ATF6: variants seen among roughly 807,000 people sequenced by gnomAD.
The protein encoded by ATF6 is cyclic AMP-dependent transcription factor ATF-6 alpha.
A neutral mutation model predicts 83.6 loss-of-function variants in ATF6; 53 were observed. That is an observed-to-expected ratio of 0.63 (90% CI 0.51 to 0.80). ATF6 has a LOEUF of 0.80. ATF6 is among the 30% of genes least tolerant of loss of function. ATF6 has a pLI of 0.00. For missense variants in ATF6, 744 were observed against 797.9 expected (o/e 0.93, Z 0.81); for synonymous variants, 288 against 285.8 (o/e 1.01, Z -0.08).
chr1:161,821,653 A>G (rs1685765560), intron 9 of ATF6, among the ~76,000 whole-genome samples: 1 of 152,200 alleles, frequency 6.6e-6, no homozygotes, highest in African/African-American at 2.4e-5. Context: ...TGTATCTTGT[A>G]TATGTGGGGA....
chr1:161,792,950 G>C (rs1018992526), intron 6 of ATF6, among the ~76,000 whole-genome samples: 4 of 152,120 alleles, frequency 2.6e-5, no homozygotes, highest in Non-Finnish European at 4.4e-5. Context: ...AGTCATTTCC[G>C]TATGGAGATC....
At chr1:161,773,140 A>ATTTTTT (rs759769528) in intron 1 of ATF6, among the ~76,000 whole-genome samples, 1,631 of 130,036 alleles carry the variant, frequency 0.013, 45 homozygotes, top group African/African-American at 0.044. Flanking sequence ...TACTTTTTGT[A>ATTTTTT]TTTTTTTTTT....
At chr1:161,848,858 C>T (rs1686544666) in intron 10 of ATF6, among the ~76,000 whole-genome samples, 2 of 151,988 alleles carry the variant, frequency 1.3e-5, no homozygotes, top group Admixed American at 1.3e-4. Context: ...TAATTGTCTC[C>T]AGATTGTATG....
intron 13 of ATF6, among the ~76,000 whole-genome samples, chr1:161,860,919 A>G (rs549346535): frequency 6.6e-6 from 1 of 152,304 alleles, no homozygotes; most frequent in East Asian, 1.9e-4. Context: ...ATGGGAAGCA[A>G]TATGGTGTCA....
intron 14 of ATF6, among the ~76,000 whole-genome samples, chr1:161,902,098 C>T (rs1687797587): frequency 6.6e-6 from 1 of 152,150 alleles, no homozygotes; most frequent in African/African-American, 2.4e-5. Context: ...TTTGCAAATA[C>T]TGTCAAGTAT....
chr1:161,911,934 G>T (rs1264032215), intron 14 of ATF6, among the ~76,000 whole-genome samples: 1 of 152,168 alleles, frequency 6.6e-6, no homozygotes, highest in Non-Finnish European at 1.5e-5. Context: ...ACACAGAAAG[G>T]ATACGTAGTC....
chr1:161,876,072 C>G (rs1434416164), intron 14 of ATF6, among the ~76,000 whole-genome samples: 1 of 151,860 alleles, frequency 6.6e-6, no homozygotes, highest in South Asian at 2.1e-4. Context: ...AATATCAACA[C>G]AGTTGTTTCA....
intron 15 of ATF6, among the ~76,000 whole-genome samples, chr1:161,921,721 G>T (rs184654715): frequency 6.6e-6 from 1 of 152,262 alleles, no homozygotes. Context: ...GTAACAGATT[G>T]GTGTGTATTT....
intron 14 of ATF6, among the ~76,000 whole-genome samples, chr1:161,905,293 A>T (rs1036446842): frequency 1.3e-5 from 2 of 152,212 alleles, no homozygotes; most frequent in Admixed American, 6.5e-5. Flanking sequence ...GGGTTAAAAA[A>T]ATATATATTT....
intron 6 of ATF6, among the ~76,000 whole-genome samples, chr1:161,801,382 T>TCTTTTTTTTTTTTTTC (rs1685143456): frequency 7.1e-6 from 1 of 140,410 alleles, no homozygotes; most frequent in Admixed American, 7.5e-5. Context: ...TTTTTTTTTT[T>TCTTTTTTTTTTTTTTC]GTCCTTTTTA....
chr1:161,786,895 T>C (rs988719632), intron 4 of ATF6, among the ~76,000 whole-genome samples: 4 of 152,236 alleles, frequency 2.6e-5, no homozygotes, highest in Admixed American at 1.3e-4. Flanking sequence ...TGCATGTGGT[T>C]ATCTTGTCTT....
chr1:161,909,822 G>A (rs543751071), intron 14 of ATF6, among the ~76,000 whole-genome samples: 151 of 152,324 alleles, frequency 9.9e-4, no homozygotes, highest in Middle Eastern at 3.4e-3. Context: ...CGGGCATGGT[G>A]GCGGGCGCCT....
chr1:161,911,624 G>C (rs935364089), intron 14 of ATF6, among the ~76,000 whole-genome samples: 2 of 152,294 alleles, frequency 1.3e-5, no homozygotes, highest in East Asian at 3.9e-4. Context: ...AACTTCTTTA[G>C]CATGCACCTG....
intron 11 of ATF6, among the ~76,000 whole-genome samples, chr1:161,852,611 G>GTTTTA (rs1459612166): frequency 1.3e-5 from 2 of 152,040 alleles, no homozygotes; most frequent in East Asian, 1.9e-4. Context: ...ATTTTGTTTT[G>GTTTTA]TTTTATTTTA....
intron 14 of ATF6, among the ~76,000 whole-genome samples, chr1:161,886,887 A>G (rs943094400): frequency 6.6e-6 from 1 of 152,212 alleles, no homozygotes; most frequent in African/African-American, 2.4e-5. Context: ...GCATGCATGC[A>G]CATATTAGAT....
chr1:161,869,969 A>G (rs1268508222), intron 14 of ATF6, among the ~76,000 whole-genome samples: 1 of 151,804 alleles, frequency 6.6e-6, no homozygotes, highest in Admixed American at 6.6e-5. Flanking sequence ...TAAGGACACA[A>G]AAATGGTAAG....
chr1:161,814,176 G>A lies in ATF6; in HGVS notation c.910-5457G>A, dbSNP rs138384108. On this transcript the variant is annotated intron_variant, in intron 7 of 15. Coordinates refer to ENST00000367942, the MANE Select transcript of ATF6 (RefSeq NM_007348.4). ...TGGGATTACAGGCGTGAGCCACCGC[G>A]CCCGGCCTCCATCAAGTATTTCTGA... Among the ~76,000 whole-genome samples, 478 of 152,284 alleles carry A rather than the reference G, an allele frequency of 3.1e-3. 3 individuals carry two copies. Among genetic ancestry groups the A allele is most frequent in the African/African-American group, 0.011 (444 of 41,560 alleles).
intron 15 of ATF6, among the ~76,000 whole-genome samples, chr1:161,954,293 G>T (rs554410551): frequency 6.6e-6 from 1 of 152,102 alleles, no homozygotes; most frequent in Non-Finnish European, 1.5e-5. Context: ...GAGGTCTCTC[G>T]TGGTCCATGA....
chr1:161,851,141 T>TACACACACAC lies in ATF6; in HGVS notation c.1320-560_1320-551dup, dbSNP rs35398462. Reference sequence around the variant, plus strand: ...TTTATGTCTCACCCTATCCTTAACATACACACACACACACACACACACACA... The same window carrying TACACACACAC: ...TTTATGTCTCACCCTATCCTTAACATACACACACACACACACACACACACACACACACACA... On this transcript the variant is annotated intron_variant, in intron 10 of 15. Transcript: ENST00000367942. 4.2e-3 allele frequency among the ~76,000 whole-genome samples: 577 copies of TACACACACAC among 135,934 alleles called. 12 individuals are homozygous for TACACACACAC. The highest frequency in any genetic ancestry group is 7.4e-3 in the Middle Eastern group (2 of 272). 89.2% of individuals were successfully genotyped at this position (135,934 alleles called of 152,430 possible). A position where few individuals can be genotyped will look rare whatever the true frequency, so the allele number is the denominator to read the frequency against.
Sources: gnomAD v4.1 joint callset for allele counts (sites outside exome capture counted in the v4.1 genomes callset) on GRCh38, gnomAD v4.1.1 for gene constraint, MANE v1.5 for transcripts, NCBI Gene and HGNC (gene_info 2026-07-23, HGNC 2026-07-21) for gene names.